The following KLHL3 variants were observed in gnomAD, a reference collection of about 807,000 sequenced individuals.
KLHL3 encodes the protein kelch-like protein 3.
KLHL3 carries 19 observed loss-of-function variants against 70.5 expected under a neutral mutation model. The observed-to-expected ratio is 0.27, with a 90% CI of 0.19 to 0.40. The LOEUF (loss-of-function observed/expected upper bound fraction) is 0.40, where lower values mean the gene tolerates loss of function less well. Among genes scored for constraint, KLHL3 ranks in the 10% least tolerant of loss-of-function variants. The pLI is 1.00. For missense variants in KLHL3, 512 were observed against 771.1 expected, an observed-to-expected ratio of 0.66 and a Z score of 3.98; for synonymous variants, 258 against 290.3, an observed-to-expected ratio of 0.89 and a Z score of 1.13.
intron 6 of KLHL3, among the ~76,000 whole-genome samples, chr5:137,666,854 C>T (rs140083207): frequency 3.0e-4 from 45 of 152,268 alleles, no homozygotes; most frequent in Middle Eastern, 3.4e-3. Context: ...CACCAAGGGA[C>T]TCTCCATAAA....
In KLHL3 at chr5:137,712,981, C is replaced by T. The variant is rs372167308; in HGVS notation, c.135-3125G>A. On this transcript the variant is annotated intron_variant, in intron 2 of 14. Coordinates refer to ENST00000309755, the MANE Select transcript of KLHL3 (RefSeq NM_017415.3). ...TGTCTGCTTCACTTTTCCTCCATATCTTCTTTTTTCCAAATAATATTTCAT... is the reference window on the plus strand; with the variant it reads ...TGTCTGCTTCACTTTTCCTCCATATTTTCTTTTTTCCAAATAATATTTCAT... Among the ~76,000 whole-genome samples the T allele has an allele frequency of 2.9e-4, 44 of 151,398 alleles. 1 individual carries two copies. The South Asian group carries it at 6.9e-3, about 24-fold the overall frequency.
At chr5:137,654,130 C>T (rs546717080) in intron 8 of KLHL3, among the ~76,000 whole-genome samples, 4 of 152,294 alleles carry the variant, frequency 2.6e-5, no homozygotes, top group African/African-American at 9.6e-5. Context: ...CACATGGAAA[C>T]TTTTTGTAGT....
At position 137,628,371 on chromosome 5, in the gene KLHL3, C is replaced by T. The variant is rs1177398173; in HGVS notation, c.1517G>A (p.Ser506Asn). Residue 506 changes from serine to asparagine, a missense_variant, in exon 13 of 15, where the codon AGC becomes AAC. Physicochemically the swap from Ser to Asn is conservative, Grantham distance 46. Coordinates refer to ENST00000309755, the MANE Select transcript of KLHL3 (RefSeq NM_017415.3). ...GGHDGPLVRK[S>N]VEVYDPGTNT... ...TGTTCCAGGATCGTAAACCTCAACG[C>T]TCTTCCTCACCAAAGGCCCATCATG... The T allele has an allele frequency of 6.2e-7, 1 of 1,614,198 alleles. No individual in the cohort carries two copies. The highest frequency in any genetic ancestry group is 1.1e-5 in the South Asian group (1 of 91,082).
At chr5:137,686,811 C>T (rs995705184) in intron 5 of KLHL3, among the ~76,000 whole-genome samples, 8 of 152,264 alleles carry the variant, frequency 5.3e-5, no homozygotes, top group Admixed American at 4.6e-4. Context: ...CACAATCTAA[C>T]CTTCATTCCC....
chr5:137,713,269 A>G (rs1752832071), intron 2 of KLHL3, among the ~76,000 whole-genome samples: 1 of 152,096 alleles, frequency 6.6e-6, no homozygotes, highest in Non-Finnish European at 1.5e-5. Context: ...GTTCACGACC[A>G]GCCTGGACAA....
At chr5:137,712,730 G>A (rs1408854340) in intron 2 of KLHL3, among the ~76,000 whole-genome samples, 1 of 152,168 alleles carries the variant, frequency 6.6e-6, no homozygotes, top group Non-Finnish European at 1.5e-5. Flanking sequence ...CAATGTAGCT[G>A]TTAGGAAGGA....
intron 13 of KLHL3, among the ~76,000 whole-genome samples, chr5:137,627,145 T>G (rs1750487277): frequency 6.6e-6 from 1 of 152,182 alleles, no homozygotes; most frequent in Non-Finnish European, 1.5e-5. Flanking sequence ...AATAGTAGAT[T>G]GGTTGTTTAA....
intron 3 of KLHL3, among the ~76,000 whole-genome samples, chr5:137,699,478 C>T (rs1372380032): frequency 2.0e-5 from 3 of 151,954 alleles, no homozygotes; most frequent in Non-Finnish European, 2.9e-5. Context: ...CATTTTTGAA[C>T]GAAATTTTGG....
At chr5:137,655,369 TCCCTG>T (rs1751311177) in intron 8 of KLHL3, among the ~76,000 whole-genome samples, 1 of 152,136 alleles carries the variant, frequency 6.6e-6, no homozygotes, top group Non-Finnish European at 1.5e-5. Context: ...TAAAACTGAA[TCCCTG>T]CCCTCACTCC....
intron 1 of KLHL3, among the ~76,000 whole-genome samples, chr5:137,729,282 A>C (rs1236601057): frequency 6.6e-6 from 1 of 152,230 alleles, no homozygotes; most frequent in Non-Finnish European, 1.5e-5. Context: ...GAATGCATTA[A>C]AAACTCTCAA....
At chr5:137,697,412 C>A (rs1417491992) in intron 4 of KLHL3, among the ~76,000 whole-genome samples, 1 of 152,226 alleles carries the variant, frequency 6.6e-6, no homozygotes, top group African/African-American at 2.4e-5. Flanking sequence ...GATCTGCCTG[C>A]CTCAGCTTCC....
At chr5:137,623,349 T>C (rs1193369707) in intron 14 of KLHL3, among the ~76,000 whole-genome samples, 11 of 152,224 alleles carry the variant, frequency 7.2e-5, no homozygotes. Flanking sequence ...GATACCCCAC[T>C]GGAGATATTC....
chr5:137,661,763 A>G (rs1751480614), intron 7 of KLHL3, 152 bp downstream of exon 7: 3 of 576,172 alleles, frequency 5.2e-6, no homozygotes, highest in Non-Finnish European at 9.3e-6. Context: ...AAACTTTACA[A>G]CACCTAACAC....
At chr5:137,671,101 C>T (rs1290742494) in intron 6 of KLHL3, among the ~76,000 whole-genome samples, 1 of 152,140 alleles carries the variant, frequency 6.6e-6, no homozygotes, top group Non-Finnish European at 1.5e-5. Context: ...TAAATCTCTT[C>T]ACAGACTCCT....
At chr5:137,644,316 C>T (rs1014803065) in intron 8 of KLHL3, among the ~76,000 whole-genome samples, 5 of 152,168 alleles carry the variant, frequency 3.3e-5, no homozygotes, top group Admixed American at 1.3e-4. Flanking sequence ...GTGATCCACT[C>T]GCCTCGGCCT....
chr5:137,662,045 C>A lies in KLHL3; in HGVS notation c.637-14G>T. 2 of 1,260,252 alleles carry A rather than the reference C, an allele frequency of 1.6e-6. No individual in the cohort carries two copies. Among genetic ancestry groups the A allele is most frequent in the African/African-American group, 1.6e-5 (1 of 63,700 alleles). The allele number at this position is 1,260,252 out of a possible 1,614,324, so 78.1% of individuals were successfully genotyped here. ...AGCTTCAAACACCTATAAAGAAAAG[C>A]AACATGGGCAACTTCAGTAAAGAGA... On this transcript the variant is annotated splice_polypyrimidine_tract_variant and intron_variant, in intron 6 of 14. Coordinates refer to ENST00000309755, the MANE Select transcript of KLHL3 (RefSeq NM_017415.3).
intron 3 of KLHL3, among the ~76,000 whole-genome samples, chr5:137,702,688 C>T (rs1752594715): frequency 6.6e-6 from 1 of 152,148 alleles, no homozygotes; most frequent in African/African-American, 2.4e-5. Context: ...AATGGGAAAA[C>T]AAAACAGGTG....
intron 1 of KLHL3, among the ~76,000 whole-genome samples, chr5:137,724,194 A>C (rs968251252): frequency 1.3e-5 from 2 of 152,232 alleles, no homozygotes; most frequent in African/African-American, 2.4e-5. Context: ...GAGAGACTTA[A>C]AAGCCAGAAT....
At chr5:137,713,497 G>A (rs1254967266) in intron 2 of KLHL3, among the ~76,000 whole-genome samples, 1 of 152,086 alleles carries the variant, frequency 6.6e-6, no homozygotes, top group Non-Finnish European at 1.5e-5. Flanking sequence ...AATGAAGTTG[G>A]ATCCCTACCT....
Sources: gnomAD v4.1 joint callset for allele counts (sites outside exome capture counted in the v4.1 genomes callset) on GRCh38, gnomAD v4.1.1 for gene constraint, MANE v1.5 for transcripts, NCBI Gene and HGNC (gene_info 2026-07-23, HGNC 2026-07-21) for gene names.